SBNO1: variants seen among roughly 807,000 people sequenced by gnomAD.
The protein encoded by SBNO1 is strawberry notch homolog 1, also known as protein strawberry notch homolog 1.
A neutral mutation model predicts 173.6 loss-of-function variants in SBNO1; 23 were observed. The ratio of observed to expected loss-of-function variants is 0.13; its 90% CI spans 0.10 to 0.19. The LOEUF is 0.19. Ranked by LOEUF, SBNO1 falls within the 10% of genes least tolerant of loss-of-function variation. The probability of loss-of-function intolerance (pLI) is 1.00; values close to 1 mark genes in which losing one functional copy is unlikely to be tolerated. For synonymous variants in SBNO1, 632 were observed against 571.5 expected, an observed-to-expected ratio of 1.11 and a Z score of -1.51; for missense variants, 1,238 against 1,671.2, an observed-to-expected ratio of 0.74 and a Z score of 4.52.
intron 1 of SBNO1, among the ~76,000 whole-genome samples, chr12:123,356,289 T>C (rs1341819805): frequency 3.3e-5 from 5 of 152,244 alleles, no homozygotes; most frequent in Non-Finnish European, 7.3e-5. Flanking sequence ...AAATGTTAGC[T>C]ACTAGCTAGC....
intron 20 of SBNO1, among the ~76,000 whole-genome samples, chr12:123,317,768 T>C (rs891111509): frequency 6.6e-6 from 1 of 152,182 alleles, no homozygotes; most frequent in African/African-American, 2.4e-5. Flanking sequence ...CCTACCCAAA[T>C]GTGTCCATGA....
In SBNO1 at chr12:123,362,435, C is replaced by CAAAAAA. The variant is rs56019572; in HGVS notation, c.-1+2260_-1+2265dup. Among the ~76,000 whole-genome samples the CAAAAAA allele has an allele frequency of 1.0e-4, 5 of 49,710 alleles. 1 individual carries two copies. The East Asian group carries it at 2.7e-3, about 27-fold the overall frequency. 32.6% of individuals were successfully genotyped at this position (49,710 alleles called of 152,430 possible). A position where few individuals can be genotyped will look rare whatever the true frequency, so the allele number is the denominator to read the frequency against. On this transcript the variant is annotated intron_variant, in intron 1 of 31. Coordinates refer to ENST00000602398, the MANE Select transcript of SBNO1 (RefSeq NM_001167856.3). ...TGGGCCACTGAGCGAGACTCCGTCT[C>CAAAAAA]AAAAAAAAAAAAAAAAAAAAAAAAA... is the stretch of plus-strand genomic sequence containing the variant.
At chr12:123,342,727 G>A (rs929702887) in intron 4 of SBNO1, among the ~76,000 whole-genome samples, 11 of 151,946 alleles carry the variant, frequency 7.2e-5, no homozygotes, top group Non-Finnish European at 2.9e-5. Context: ...CTGAATAGGG[G>A]TGGGAGGTAT....
At chr12:123,311,527 A>G (rs561655420) in intron 24 of SBNO1, among the ~76,000 whole-genome samples, 6 of 151,494 alleles carry the variant, frequency 4.0e-5, no homozygotes, top group African/African-American at 1.5e-4. Context: ...GCTAAGTTTC[A>G]TATTTTTAGT....
chr12:123,327,263 A>C (rs114361242), intron 13 of SBNO1, among the ~76,000 whole-genome samples, 163 bp downstream of exon 13: 80 of 152,230 alleles, frequency 5.3e-4, no homozygotes, highest in African/African-American at 1.9e-3. Context: ...TGCTCGCCTC[A>C]GCCTCCCAAA....
chr12:123,314,207 C>T (rs1868985773), intron 23 of SBNO1, among the ~76,000 whole-genome samples: 1 of 152,036 alleles, frequency 6.6e-6, no homozygotes, highest in African/African-American at 2.4e-5. Flanking sequence ...TTGCTCATCG[C>T]CCAGGCTGGA....
At chr12:123,364,541 C>G in intron 1 of SBNO1, 160 bp downstream of exon 1, 4 of 983,570 alleles carry the variant, frequency 4.1e-6, no homozygotes, top group Non-Finnish European at 4.8e-6. Context: ...GGCCCCGGAG[C>G]GCGCGGCCGC....
In SBNO1 at chr12:123,309,692, G is replaced by A. The variant is rs757097967; in HGVS notation, c.3442+18C>T. On this transcript the variant is annotated intron_variant, in intron 26 of 31. Transcript: ENST00000602398. ...TTTTCCCTGGGGACATTGTGGGGGG[G>A]AAATTTTCCCTACTTACCTAAGATT... The A allele has an allele frequency of 2.0e-5, 32 of 1,609,864 alleles. No homozygotes were observed. In the South Asian group the frequency reaches 2.8e-4, roughly 14 times the overall value.
chr12:123,337,459 C>T (rs748761841), intron 5 of SBNO1, among the ~76,000 whole-genome samples: 1 of 152,096 alleles, frequency 6.6e-6, no homozygotes, highest in Non-Finnish European at 1.5e-5. Flanking sequence ...AAGGCAAGAT[C>T]GAGACAGCAT....
intron 30 of SBNO1, 78 bp from the exon 31 acceptor site, chr12:123,298,249 A>C: frequency 2.9e-6 from 4 of 1,382,152 alleles, no homozygotes; most frequent in Non-Finnish European, 4.0e-6. Flanking sequence ...TTACAAGGTC[A>C]ACTCAAATTT....
intron 1 of SBNO1, among the ~76,000 whole-genome samples, chr12:123,359,024 C>T (rs556420184): frequency 6.5e-4 from 98 of 151,716 alleles, no homozygotes; most frequent in African/African-American, 2.3e-3. Flanking sequence ...GCTCTGCCTC[C>T]CGGGTTCAAG....
chr12:123,320,934 A>G, intron 17 of SBNO1, 68 bp from the exon 18 acceptor site: 1 of 1,247,560 alleles, frequency 8.0e-7, no homozygotes, highest in Non-Finnish European at 1.1e-6. Flanking sequence ...CAAAGGAAAC[A>G]ACCTTTGAAA....
chr12:123,321,341 C>T (rs896271069), intron 17 of SBNO1, among the ~76,000 whole-genome samples, 194 bp downstream of exon 17: 1 of 152,128 alleles, frequency 6.6e-6, no homozygotes, highest in African/African-American at 2.4e-5. Context: ...AATAACTGCA[C>T]AAAATTGAGG....
chr12:123,355,943 C>T (rs2139092477), intron 1 of SBNO1, among the ~76,000 whole-genome samples: 1 of 152,124 alleles, frequency 6.6e-6, no homozygotes, highest in Admixed American at 6.5e-5. Context: ...CAATAGCCAA[C>T]CAGAAGAATG....
chr12:123,321,629 T>C lies in SBNO1; in HGVS notation c.2229A>G (p.Glu743=), dbSNP rs1869984613. ...TTTTAGAGCTCTCATAGTCACTTTC[T>C]TCATTATCAGAGGCATCAGATTCAC... ...SGSESDASDN[E]ESDYESSKNM... Residue 743 remains glutamate (E), a synonymous_variant, in exon 17 of 32, where the codon GAA becomes GAG. Transcript: ENST00000602398. 1 of 1,613,966 alleles carries C rather than the reference T, an allele frequency of 6.2e-7. No individual in the cohort carries two copies. Among genetic ancestry groups the C allele is most frequent in the South Asian group, 1.1e-5 (1 of 91,082 alleles).
intron 1 of SBNO1, among the ~76,000 whole-genome samples, chr12:123,350,860 G>GCAGCGGCCCACA: frequency 6.6e-6 from 1 of 152,200 alleles, no homozygotes; most frequent in East Asian, 1.9e-4. Flanking sequence ...GAGGCCAGAT[G>GCAGCGGCCCACA]CCTGTAATCC....
At chr12:123,315,897 T>G (rs1161166750) in intron 21 of SBNO1, among the ~76,000 whole-genome samples, 1 of 152,210 alleles carries the variant, frequency 6.6e-6, no homozygotes, top group African/African-American at 2.4e-5. Context: ...ACTCTGGATT[T>G]TCCCAAAATT....
intron 15 of SBNO1, 34 bp from the exon 16 acceptor site, chr12:123,323,865 A>C (rs376027269): frequency 4.0e-6 from 6 of 1,505,480 alleles, no homozygotes; most frequent in Non-Finnish European, 5.4e-6. Context: ...TTACTGCTTC[A>C]GTTGACAAAA....
intron 16 of SBNO1, among the ~76,000 whole-genome samples, chr12:123,322,014 AG>A (rs1257693035): frequency 5.3e-5 from 8 of 152,258 alleles, no homozygotes; most frequent in African/African-American, 1.9e-4. Flanking sequence ...AGGACAACAG[AG>A]TAAAAGCAGA....
Sources: gnomAD v4.1 joint callset for allele counts (sites outside exome capture counted in the v4.1 genomes callset) on GRCh38, gnomAD v4.1.1 for gene constraint, MANE v1.5 for transcripts, NCBI Gene and HGNC (gene_info 2026-07-23, HGNC 2026-07-21) for gene names.